The following RBFOX1 variants were observed in gnomAD, a reference collection of about 807,000 sequenced individuals.
The protein encoded by RBFOX1 is RNA binding fox-1 homolog 1.
RBFOX1 carries 8 observed loss-of-function variants against 57.7 expected under a neutral mutation model. That is an observed-to-expected ratio of 0.14 (90% CI 0.08 to 0.25). RBFOX1 has a LOEUF of 0.25. RBFOX1 is among the 10% of genes least tolerant of loss of function. The pLI is 1.00. For synonymous variants in RBFOX1, 326 were observed against 222.4 expected, an observed-to-expected ratio of 1.47 and a Z score of -4.15; for missense variants, 611 against 548.5, an observed-to-expected ratio of 1.11 and a Z score of -1.14.
intron 3 of RBFOX1, among the ~76,000 whole-genome samples, chr16:6,762,881 G>C (rs1468227112): frequency 6.6e-6 from 1 of 152,158 alleles, no homozygotes; most frequent in Non-Finnish European, 1.5e-5. Flanking sequence ...TTGGGTGGGA[G>C]TAAGTGGGTA....
chr16:6,955,886 A>T (rs534956185), intron 3 of RBFOX1, among the ~76,000 whole-genome samples: 105 of 152,104 alleles, frequency 6.9e-4, no homozygotes, highest in Non-Finnish European at 1.2e-3. Flanking sequence ...TTGTAATTTT[A>T]GTAGAGATGG....
intron 4 of RBFOX1, among the ~76,000 whole-genome samples, 188 bp from the exon 5 acceptor site, chr16:7,517,959 T>C (rs1218511234): frequency 6.6e-6 from 1 of 151,846 alleles, no homozygotes; most frequent in Admixed American, 6.6e-5. Flanking sequence ...TGGGGAGAAG[T>C]GATGGTTACT....
intron 3 of RBFOX1, among the ~76,000 whole-genome samples, chr16:5,676,760 G>A (rs893399875): frequency 3.9e-5 from 6 of 152,108 alleles, no homozygotes; most frequent in Non-Finnish European, 7.4e-5. Flanking sequence ...TACTTAGGAA[G>A]CTAAAGCACG....
At chr16:7,541,588 A>G (rs764531022) in intron 5 of RBFOX1, among the ~76,000 whole-genome samples, 6 of 152,192 alleles carry the variant, frequency 3.9e-5, no homozygotes, top group Non-Finnish European at 8.8e-5. Context: ...TGTCCCAGAT[A>G]CCACTGTATT....
intron 2 of RBFOX1, among the ~76,000 whole-genome samples, chr16:5,597,494 G>C (rs1418878367): frequency 6.7e-6 from 1 of 148,710 alleles, no homozygotes; most frequent in Non-Finnish European, 1.5e-5. Context: ...GTACCTCCCA[G>C]GTTCAAGCGA....
At chr16:5,343,461 C>T (rs1377963221) in intron 1 of RBFOX1, among the ~76,000 whole-genome samples, 1 of 140,684 alleles carries the variant, frequency 7.1e-6, no homozygotes, top group African/African-American at 2.7e-5. Context: ...ACTACAGGTT[C>T]CCACCACCAC....
chr16:5,734,484 C>G (rs1473141697), intron 3 of RBFOX1, among the ~76,000 whole-genome samples: 1 of 152,186 alleles, frequency 6.6e-6, no homozygotes. Context: ...CTTTAATCCC[C>G]TCTGAAACCT....
chr16:7,361,713 C>G (rs1327543012), intron 4 of RBFOX1, among the ~76,000 whole-genome samples: 1 of 152,166 alleles, frequency 6.6e-6, no homozygotes, highest in Non-Finnish European at 1.5e-5. Context: ...TTCGAAGATG[C>G]TTGAGGCATG....
At chr16:6,518,264 A>T (rs530958677) in intron 2 of RBFOX1, among the ~76,000 whole-genome samples, 1 of 152,154 alleles carries the variant, frequency 6.6e-6, no homozygotes, top group Non-Finnish European at 1.5e-5. Flanking sequence ...AGAAACAAAC[A>T]TTAGTTAAGA....
At chr16:7,499,288 A>T (rs537867646) in intron 4 of RBFOX1, among the ~76,000 whole-genome samples, 110 of 152,250 alleles carry the variant, frequency 7.2e-4, no homozygotes, top group African/African-American at 2.6e-3. Context: ...TCATCTTCAG[A>T]TGGTATGCAT....
At chr16:5,454,989 T>G (rs2068579787) in intron 1 of RBFOX1, among the ~76,000 whole-genome samples, 1 of 104,598 alleles carries the variant, frequency 9.6e-6, no homozygotes, top group African/African-American at 3.4e-5. Flanking sequence ...CTTTCTTTCT[T>G]TCTTTCTTTC....
intron 3 of RBFOX1, among the ~76,000 whole-genome samples, chr16:6,869,803 C>T (rs137948295): frequency 2.0e-5 from 3 of 152,190 alleles, no homozygotes; most frequent in Non-Finnish European, 4.4e-5. Context: ...TTACTTAATT[C>T]TGGTTGGTTT....
intron 4 of RBFOX1, among the ~76,000 whole-genome samples, chr16:7,086,167 C>T (rs1391780724): frequency 1.3e-5 from 2 of 152,122 alleles, no homozygotes; most frequent in East Asian, 1.9e-4. Flanking sequence ...ACTCGCCACC[C>T]GTCTCATGCT....
intron 5 of RBFOX1, among the ~76,000 whole-genome samples, chr16:7,567,242 C>CATATAT (rs1200724827): frequency 1.4e-5 from 1 of 70,924 alleles, no homozygotes; most frequent in Non-Finnish European, 2.7e-5. Flanking sequence ...TATATATATC[C>CATATAT]ATATATCCCT....
At chr16:6,951,818 C>T (rs1417699410) in intron 3 of RBFOX1, among the ~76,000 whole-genome samples, 1 of 152,132 alleles carries the variant, frequency 6.6e-6, no homozygotes, top group African/African-American at 2.4e-5. Context: ...ACTGCAACCT[C>T]CGCCTCCTGG....
chr16:7,564,527 C>G (rs1275653379), intron 5 of RBFOX1, among the ~76,000 whole-genome samples: 3 of 108,692 alleles, frequency 2.8e-5, no homozygotes, highest in African/African-American at 4.2e-5. Context: ...GCTGACAGAG[C>G]AAGACTCCAT....
intron 1 of RBFOX1, among the ~76,000 whole-genome samples, chr16:6,027,399 A>T (rs1034791506): frequency 2.6e-5 from 4 of 152,120 alleles, no homozygotes; most frequent in Non-Finnish European, 4.4e-5. Context: ...GCACCATGAT[A>T]AGGTACTAGG....
At chr16:7,337,753 C>G (rs1352360852) in intron 4 of RBFOX1, among the ~76,000 whole-genome samples, 1 of 152,040 alleles carries the variant, frequency 6.6e-6, no homozygotes, top group Non-Finnish European at 1.5e-5. Context: ...GGCGCAATCT[C>G]GGCTCATTGC....
At chr16:5,481,441 G>T (rs1311353107) in intron 2 of RBFOX1, among the ~76,000 whole-genome samples, 4 of 152,196 alleles carry the variant, frequency 2.6e-5, no homozygotes, top group African/African-American at 9.6e-5. Context: ...TGTATTTTCA[G>T]TGTCAGCAGG....
Sources: gnomAD v4.1 joint callset for allele counts (sites outside exome capture counted in the v4.1 genomes callset) on GRCh38, gnomAD v4.1.1 for gene constraint, MANE v1.5 for transcripts, NCBI Gene and HGNC (gene_info 2026-07-23, HGNC 2026-07-21) for gene names.